Variants in SRPK2 observed in about 807,000 individuals in gnomAD.
SRPK2 encodes the protein SRSF protein kinase 2, also known as SFRS protein kinase 2.
A neutral mutation model predicts 90.8 loss-of-function variants in SRPK2; 21 were observed. The observed-to-expected ratio is 0.23, with a 90% confidence interval of 0.16 to 0.33. SRPK2 has a LOEUF of 0.33. Ranked by LOEUF, SRPK2 falls within the 10% of genes least tolerant of loss-of-function variation. The probability of loss-of-function intolerance (pLI) is 1.00; values close to 1 mark genes in which losing one functional copy is unlikely to be tolerated. For missense variants in SRPK2, 620 were observed against 869.0 expected, an observed-to-expected ratio of 0.71 and a Z score of 3.60; for synonymous variants, 288 against 311.1, an observed-to-expected ratio of 0.93 and a Z score of 0.78.
intron 2 of SRPK2, among the ~76,000 whole-genome samples, chr7:105,231,294 T>C (rs937159508): frequency 2.0e-5 from 3 of 152,218 alleles, no homozygotes; most frequent in Non-Finnish European, 4.4e-5. Context: ...TAGTGTTACA[T>C]TTTCTTTATC....
intron 2 of SRPK2, among the ~76,000 whole-genome samples, chr7:105,247,531 A>AACACACACAC (rs59040708): frequency 0.12 from 17,660 of 145,138 alleles, 1,269 homozygotes; most frequent in Non-Finnish European, 0.15. Context: ...CACACACATA[A>AACACACACAC]ACACACACAC....
At chr7:105,262,786 T>C (rs1231248238) in intron 2 of SRPK2, among the ~76,000 whole-genome samples, 6 of 151,848 alleles carry the variant, frequency 4.0e-5, no homozygotes, top group Non-Finnish European at 7.4e-5. Flanking sequence ...TGGGTAACAC[T>C]GGTAGAGCCA....
intron 2 of SRPK2, among the ~76,000 whole-genome samples, chr7:105,228,444 G>C (rs146538062): frequency 6.6e-6 from 1 of 152,296 alleles, no homozygotes; most frequent in East Asian, 1.9e-4. Context: ...ACACAAACTT[G>C]AAAGATGAAA....
intron 2 of SRPK2, chr7:105,245,069 A>ACACACACACACACC (rs1801446540): frequency 8.7e-6 from 5 of 576,442 alleles, no homozygotes; most frequent in Admixed American, 8.3e-5. Context: ...ACACACACAC[A>ACACACACACACACC]CACACCTCTT....
intron 14 of SRPK2, 60 bp from the exon 15 acceptor site, chr7:105,126,400 A>G (rs1315635523): frequency 1.1e-5 from 14 of 1,243,634 alleles, no homozygotes; most frequent in Non-Finnish European, 1.6e-5. Flanking sequence ...GGATGGGATA[A>G]AAGAAGAGGG....
At chr7:105,179,679 G>A (rs1792474546) in intron 3 of SRPK2, among the ~76,000 whole-genome samples, 1 of 151,912 alleles carries the variant, frequency 6.6e-6, no homozygotes, top group Admixed American at 6.6e-5. Context: ...ACAAAGATTA[G>A]CCGGGTGTGG....
Position 105,142,081 on chromosome 7 carries a change from C to T in SRPK2, c.1470G>A (p.Glu490=). The T allele has an allele frequency of 6.2e-7, 1 of 1,614,118 alleles. No individual in the cohort carries two copies. The highest frequency in any genetic ancestry group is 8.5e-7 in the Non-Finnish European group (1 of 1,179,992). ...SVLSEGSPLT[E]QEESSPSHDR... The stretch of plus-strand genomic sequence containing the variant: ...CATGGGATGGACTGCTCTCCTCTTG[C>T]TCAGTAAGTGGTGATCCCTCAGAAA... Residue 490 remains glutamate, a synonymous_variant, in exon 11 of 16, where the codon GAG becomes GAA. Coordinates refer to ENST00000393651, the MANE Select transcript of SRPK2 (RefSeq NM_182692.3).
intron 2 of SRPK2, among the ~76,000 whole-genome samples, chr7:105,331,507 A>C (rs1246231177): frequency 6.6e-6 from 1 of 152,106 alleles, no homozygotes; most frequent in Non-Finnish European, 1.5e-5. Context: ...ATTTCTGAGT[A>C]AAGAGACAAG....
At chr7:105,360,151 TTTTG>T (rs1227431155) in intron 2 of SRPK2, among the ~76,000 whole-genome samples, 1 of 152,230 alleles carries the variant, frequency 6.6e-6, no homozygotes, top group Non-Finnish European at 1.5e-5. Context: ...TTTGTCTCTC[TTTTG>T]TTCTTTGCTG....
intron 2 of SRPK2, among the ~76,000 whole-genome samples, chr7:105,365,256 G>A (rs889412691): frequency 6.6e-5 from 10 of 151,912 alleles, no homozygotes; most frequent in African/African-American, 1.7e-4. Context: ...AGGCTGAGGC[G>A]GGTGGATCAC....
intron 2 of SRPK2, among the ~76,000 whole-genome samples, chr7:105,378,872 C>T (rs1297645112): frequency 6.6e-6 from 1 of 152,030 alleles, no homozygotes; most frequent in African/African-American, 2.4e-5. Context: ...TACAATGACA[C>T]TGCCAAGTGT....
chr7:105,145,401 T>A, intron 8 of SRPK2, 93 bp from the exon 9 acceptor site: 1 of 880,588 alleles, frequency 1.1e-6, no homozygotes, highest in Non-Finnish European at 1.7e-6. Flanking sequence ...ATAATTATTG[T>A]CTTTTAATGG....
intron 7 of SRPK2, among the ~76,000 whole-genome samples, chr7:105,156,660 C>A (rs1806540665): frequency 6.6e-6 from 1 of 152,116 alleles, no homozygotes; most frequent in Non-Finnish European, 1.5e-5. Flanking sequence ...GCCATCATAC[C>A]TGGCTAATTT....
intron 2 of SRPK2, among the ~76,000 whole-genome samples, chr7:105,283,943 T>C (rs1232661756): frequency 6.6e-6 from 1 of 152,108 alleles, no homozygotes; most frequent in African/African-American, 2.4e-5. Context: ...TGAGCCGTGA[T>C]GGTGCCACTG....
chr7:105,263,176 A>G (rs1804553030), intron 2 of SRPK2, among the ~76,000 whole-genome samples: 1 of 152,086 alleles, frequency 6.6e-6, no homozygotes, highest in South Asian at 2.1e-4. Flanking sequence ...TACAAAAATT[A>G]GCCGGGCGTG....
At chr7:105,170,934 G>GAAAGAAAGAAA (rs1213885011) in intron 3 of SRPK2, among the ~76,000 whole-genome samples, 6 of 29,152 alleles carry the variant, frequency 2.1e-4, no homozygotes, top group African/African-American at 7.3e-4. Flanking sequence ...AAAAGAAAAA[G>GAAAGAAAGAAA]GAAAGAAAGA....
rs562469696 is a variant in SRPK2, at chr7:105,232,181, T to G, written c.72-28396A>C. On this transcript the variant is annotated intron_variant, in intron 2 of 15. Coordinates refer to ENST00000393651, the MANE Select transcript of SRPK2 (RefSeq NM_182692.3). Reference sequence around the variant, plus strand: ...TAAAATTTATTTTTAAGATCAAGTTTGCAGGCCGGGCGCGGTGGCTCACGT... The same window carrying G: ...TAAAATTTATTTTTAAGATCAAGTTGGCAGGCCGGGCGCGGTGGCTCACGT... 1.3e-4 allele frequency among the ~76,000 whole-genome samples: 20 copies of G among 152,298 alleles called. No homozygotes were observed. The South Asian group carries it at 3.9e-3, about 30-fold the overall frequency.
At chr7:105,185,283 T>C (rs1793433442) in intron 3 of SRPK2, among the ~76,000 whole-genome samples, 1 of 151,810 alleles carries the variant, frequency 6.6e-6, no homozygotes, top group Admixed American at 6.6e-5. Flanking sequence ...GATTTATATC[T>C]AAAAGAAAAA....
intron 2 of SRPK2, among the ~76,000 whole-genome samples, chr7:105,362,507 ACT>A (rs1289305511): frequency 1.7e-4 from 24 of 144,576 alleles, no homozygotes; most frequent in African/African-American, 4.4e-4. Flanking sequence ...ACAGAGCAAG[ACT>A]CTGTCTCAAA....
Sources: gnomAD v4.1 joint callset for allele counts (sites outside exome capture counted in the v4.1 genomes callset) on GRCh38, gnomAD v4.1.1 for gene constraint, MANE v1.5 for transcripts, NCBI Gene and HGNC (gene_info 2026-07-23, HGNC 2026-07-21) for gene names.